Variants in PCDH15 observed in about 807,000 individuals in gnomAD.
The protein encoded by PCDH15 is protocadherin-15.
Under a neutral mutation model 178.5 loss-of-function variants are expected in PCDH15, and 129 were observed. The ratio of observed to expected loss-of-function variants is 0.72; its 90% CI spans 0.63 to 0.84. The LOEUF (loss-of-function observed/expected upper bound fraction) is 0.84. Ranked by LOEUF, PCDH15 falls within the 40% of genes least tolerant of loss-of-function variation. The pLI is 0.00. For synonymous variants in PCDH15, 800 were observed against 732.0 expected (o/e 1.09, Z -1.50); for missense variants, 2,230 against 2,099.9 (o/e 1.06, Z -1.21).
intron 3 of PCDH15, among the ~76,000 whole-genome samples, chr10:54,395,665 AAC>A (rs202008015): frequency 7.3e-5 from 11 of 149,666 alleles, no homozygotes; most frequent in African/African-American, 1.2e-4. Flanking sequence ...CACACACACA[AAC>A]ACACACACAC....
chr10:53,963,396 T>C (rs1030043889), intron 21 of PCDH15, among the ~76,000 whole-genome samples: 1 of 152,142 alleles, frequency 6.6e-6, no homozygotes, highest in Non-Finnish European at 1.5e-5. Context: ...AGACTCTGCT[T>C]GTTCCCACTC....
intron 2 of PCDH15, among the ~76,000 whole-genome samples, chr10:55,625,972 T>C (rs911967252): frequency 2.0e-5 from 3 of 152,142 alleles, no homozygotes; most frequent in Non-Finnish European, 2.9e-5. Flanking sequence ...ATACGTAGTA[T>C]ATACCCAGGA....
intron 2 of PCDH15, chr10:55,468,535 C>A (rs1199491102): frequency 6.6e-6 from 1 of 152,092 alleles, no homozygotes; most frequent in East Asian, 1.9e-4. Flanking sequence ...ATAGAACTTA[C>A]TTTGATTCTA....
chr10:54,762,316 A>T (rs1947983527), intron 1 of PCDH15, among the ~76,000 whole-genome samples: 1 of 152,118 alleles, frequency 6.6e-6, no homozygotes, highest in Admixed American at 6.6e-5. Flanking sequence ...TGTCGTACTT[A>T]AAAAAATGCA....
chr10:54,979,307 T>C (rs1839157722), intron 2 of PCDH15, among the ~76,000 whole-genome samples: 1 of 152,170 alleles, frequency 6.6e-6, no homozygotes, highest in Non-Finnish European at 1.5e-5. Flanking sequence ...ATTATTTGAA[T>C]AGTTCTCTTG....
At chr10:55,477,081 T>C (rs987729488) in intron 2 of PCDH15, among the ~76,000 whole-genome samples, 3 of 151,966 alleles carry the variant, frequency 2.0e-5, no homozygotes, top group Non-Finnish European at 4.4e-5. Flanking sequence ...TGTACTAGTA[T>C]ATTACCCACT....
rs115225141 is a variant in PCDH15 at position 54,582,714 on chromosome 10, T to C, written c.92-54837A>G. Among the ~76,000 whole-genome samples, 795 of 152,034 alleles carry C rather than the reference T, an allele frequency of 5.2e-3. 6 individuals are homozygous for C. The highest frequency in any genetic ancestry group is 0.018 in the African/African-American group (761 of 41,492). The stretch of plus-strand genomic sequence containing the variant: ...GATTGCTTGAGGCCAAGAGTTCAAC[T>C]AGCATGGGCAATGTAGGGAGGCCCT... On this transcript the variant is annotated intron_variant, in intron 2 of 37. Transcript: ENST00000644397.
At chr10:55,541,536 T>C (rs1841759760) in intron 2 of PCDH15, among the ~76,000 whole-genome samples, 1 of 151,932 alleles carries the variant, frequency 6.6e-6, no homozygotes, top group South Asian at 2.1e-4. Context: ...TTTCTTTATT[T>C]ACTGTGCTTT....
chr10:55,174,531 A>G (rs1343061443), intron 1 of PCDH15, among the ~76,000 whole-genome samples: 1 of 152,174 alleles, frequency 6.6e-6, no homozygotes, highest in Non-Finnish European at 1.5e-5. Flanking sequence ...CCAAGGTCGC[A>G]TATGTGCAGG....
At chr10:54,420,578 G>A (rs1471875812) in intron 3 of PCDH15, among the ~76,000 whole-genome samples, 1 of 152,072 alleles carries the variant, frequency 6.6e-6, no homozygotes, top group African/African-American at 2.4e-5. Flanking sequence ...GGCATGAGTT[G>A]TTTTAAGGAG....
chr10:54,832,798 G>A (rs1953247245), intron 3 of PCDH15, among the ~76,000 whole-genome samples: 1 of 152,096 alleles, frequency 6.6e-6, no homozygotes, highest in African/African-American at 2.4e-5. Context: ...TAAAAATAGA[G>A]TTCTGTTAGG....
chr10:54,408,052 CAAAAAAA>C (rs71461239), intron 3 of PCDH15, among the ~76,000 whole-genome samples: 8 of 83,728 alleles, frequency 9.6e-5, no homozygotes, highest in East Asian at 4.5e-4. Context: ...GAGACTCTGT[CAAAAAAA>C]AAAAAAAAAA....
intron 2 of PCDH15, among the ~76,000 whole-genome samples, chr10:55,033,788 T>C (rs562172404): frequency 5.3e-5 from 8 of 152,182 alleles, no homozygotes; most frequent in Non-Finnish European, 1.2e-4. Flanking sequence ...GAGCTAGGGA[T>C]ATAATGCTAT....
At chr10:55,600,543 G>A (rs139138662) in intron 2 of PCDH15, among the ~76,000 whole-genome samples, 1 of 152,214 alleles carries the variant, frequency 6.6e-6, no homozygotes, top group East Asian at 1.9e-4. Flanking sequence ...ATCAACAACA[G>A]GGTTTACGAC....
chr10:54,741,504 C>A (rs1439293136), intron 1 of PCDH15, among the ~76,000 whole-genome samples: 1 of 151,818 alleles, frequency 6.6e-6, no homozygotes, highest in Non-Finnish European at 1.5e-5. Flanking sequence ...GTGGTAGATT[C>A]CTATTACTGC....
intron 35 of PCDH15, among the ~76,000 whole-genome samples, chr10:53,813,043 C>T (rs2075931771): frequency 6.6e-6 from 1 of 152,058 alleles, no homozygotes; most frequent in African/African-American, 2.4e-5. Flanking sequence ...ACTAACAGTG[C>T]TAATCAGAAA....
rs149129048 is a variant in PCDH15 at position 55,294,982 on chromosome 10, C to T, written c.-156+24617G>A. ...TATTTTTATTAAAATATTAGTATTA[C>T]AAGTTCCACCTCTTTTTAGATAATG... On this transcript the variant is annotated intron_variant, in intron 1 of 5. Transcript: ENST00000458638. Among the ~76,000 whole-genome samples, 177 of 152,244 alleles carry T rather than the reference C, an allele frequency of 1.2e-3. 1 individual carries two copies. Among genetic ancestry groups the T allele is most frequent in the African/African-American group, 3.5e-3 (144 of 41,544 alleles).
At position 53,909,819 on chromosome 10, in the gene PCDH15, C is replaced by T. The variant is rs117880085; in HGVS notation, c.3374-6449G>A. ...GTGCCACCCAAATGCTGCGCTTTTCCAATGGTCTTAGCAAATGGCACACAA... is the reference window on the plus strand; with the variant it reads ...GTGCCACCCAAATGCTGCGCTTTTCTAATGGTCTTAGCAAATGGCACACAA... On this transcript the variant is annotated intron_variant, in intron 25 of 37. Transcript: ENST00000644397. 2.1e-3 allele frequency among the ~76,000 whole-genome samples: 324 copies of T among 152,270 alleles called. 3 individuals carry two copies. The highest frequency in any genetic ancestry group is 0.013 in the East Asian group (69 of 5,162).
intron 3 of PCDH15, among the ~76,000 whole-genome samples, chr10:54,386,244 C>A (rs1438222801): frequency 6.7e-6 from 1 of 149,172 alleles, no homozygotes; most frequent in African/African-American, 2.5e-5. Context: ...ACACTAGCGA[C>A]AGCTGATAGC....
Sources: allele counts gnomAD v4.1 joint callset (sites outside exome capture counted in the v4.1 genomes callset), GRCh38; gene constraint gnomAD v4.1.1; transcripts MANE v1.5; gene names NCBI Gene and HGNC (gene_info 2026-07-23, HGNC 2026-07-21).